Variants in SERINC5 observed in about 807,000 individuals in gnomAD.
The protein encoded by SERINC5 is serine incorporator 5, also known as chromosome 5 open reading frame 12.
A neutral mutation model predicts 63.1 loss-of-function variants in SERINC5; 41 were observed. That is an observed-to-expected ratio of 0.65 (90% confidence interval 0.51 to 0.84). The LOEUF is 0.84. Ranked by LOEUF, SERINC5 falls within the 40% of genes least tolerant of loss-of-function variation. The pLI, the probability that SERINC5 is intolerant of heterozygous loss-of-function variation, is 0.00. For missense variants in SERINC5, 523 were observed against 573.0 expected (o/e 0.91, Z 0.89); for synonymous variants, 222 against 215.2 (o/e 1.03, Z -0.28).
chr5:80,168,521 A>G (rs1286512149), intron 6 of SERINC5, among the ~76,000 whole-genome samples: 1 of 151,996 alleles, frequency 6.6e-6, no homozygotes, highest in Non-Finnish European at 1.5e-5. Context: ...TTTTTAAACC[A>G]CTATTTTAGA....
At chr5:80,138,141 A>C (rs1745287951), downstream of SERINC5, among the ~76,000 whole-genome samples, 1 of 150,694 alleles carries the variant, frequency 6.6e-6, no homozygotes, top group Admixed American at 6.6e-5. Flanking sequence ...TAAGAGATGC[A>C]GAGTGTAAAG....
In SERINC5 at chr5:80,141,841, C is replaced by CCA. The variant is rs1745528467; in HGVS notation, c.*1820_*1821dup. On this transcript the variant is annotated 3_prime_UTR_variant, in exon 12 of 12. Coordinates refer to ENST00000507668, the MANE Select transcript of SERINC5 (RefSeq NM_001174072.3). The stretch of plus-strand genomic sequence containing the variant: ...AATTTACAAAACAAGGCTCTCTAAA[C>CCA]CACACACACAGATGGAGTGCCTTTT... 4.1e-6 allele frequency: 4 copies of CCA among 985,222 alleles called. No homozygotes were observed. The African/African-American group carries it at 7.0e-5, about 17-fold the overall frequency. The allele number at this position is 985,222 out of a possible 1,614,324, so 61.0% of individuals were successfully genotyped here.
At position 80,256,045 on chromosome 5, in the gene SERINC5, G is replaced by C; in HGVS notation, c.-123C>G. 1 of 1,101,330 alleles carries C rather than the reference G, an allele frequency of 9.1e-7. No homozygotes were observed. Among genetic ancestry groups the C allele is most frequent in the Non-Finnish European group, 1.2e-6 (1 of 821,244 alleles). 68.2% of individuals were successfully genotyped at this position (1,101,330 alleles called of 1,614,324 possible). A position where few individuals can be genotyped will look rare whatever the true frequency, so the allele number is the denominator to read the frequency against. On this transcript the variant is annotated 5_prime_UTR_variant, in exon 1 of 12. Transcript: ENST00000507668. The stretch of plus-strand genomic sequence containing the variant: ...CACACTTGAACGAAGATCAGCCTCG[G>C]CGAAGCGCCTAGGCGCCGAGGCCTG...
intron 11 of SERINC5, among the ~76,000 whole-genome samples, chr5:80,124,441 T>A (rs1187699905): frequency 6.6e-6 from 1 of 152,214 alleles, no homozygotes; most frequent in African/African-American, 2.4e-5. Flanking sequence ...TTGCAACCTC[T>A]CTATAGTAGG....
chr5:80,173,349 A>G (rs991195420), intron 5 of SERINC5, among the ~76,000 whole-genome samples: 10 of 152,188 alleles, frequency 6.6e-5, no homozygotes, highest in African/African-American at 2.2e-4. Context: ...TAATCCCAGC[A>G]CTTTGGGAGG....
chr5:80,158,795 A>G (rs1189656758), intron 8 of SERINC5, 41 bp downstream of exon 8: 13 of 1,580,832 alleles, frequency 8.2e-6, no homozygotes, highest in Non-Finnish European at 1.1e-5. Context: ...CTGTAATTTT[A>G]AAGTCTGCAA....
Position 80,139,596 on chromosome 5 carries a change from A to AGAGAGAGAGAG in SERINC5, c.*4066_*4067insCTCTCTCTCTC. On this transcript the variant is annotated 3_prime_UTR_variant, in exon 12 of 12. Coordinates refer to ENST00000507668, the MANE Select transcript of SERINC5 (RefSeq NM_001174072.3). Reference sequence around the variant, plus strand: ...TGAAAGAGTTGTTGAGAAAGAAGAAAAGAGAGAGAGAGAGAAAGGTCTAAA... The same window carrying AGAGAGAGAGAG: ...TGAAAGAGTTGTTGAGAAAGAAGAAAGAGAGAGAGAGAGAGAGAGAGAGAGAAAGGTCTAAA... 7 of 964,032 alleles carry AGAGAGAGAGAG rather than the reference A, an allele frequency of 7.3e-6. No homozygotes were observed. Among genetic ancestry groups the AGAGAGAGAGAG allele is most frequent in the Non-Finnish European group, 8.6e-6 (7 of 813,852 alleles). The allele number at this position is 964,032 out of a possible 1,614,324, so 59.7% of individuals were successfully genotyped here. A position where few individuals can be genotyped will look rare whatever the true frequency, so the allele number is the denominator to read the frequency against.
rs747016189 is a variant in SERINC5, at chr5:80,142,326, C to T, written c.*1337G>A. 2.4e-5 allele frequency: 23 copies of T among 960,842 alleles called. 1 individual carries two copies. Among genetic ancestry groups the T allele is most frequent in the Middle Eastern group, 1.1e-3 (2 of 1,868 alleles). 59.5% of individuals were successfully genotyped at this position (960,842 alleles called of 1,614,324 possible). On this transcript the variant is annotated 3_prime_UTR_variant, in exon 12 of 12. Coordinates refer to ENST00000507668, the MANE Select transcript of SERINC5 (RefSeq NM_001174072.3). ...TCGGCTCACTGCAACCTCCGCCTCCCGGGTTCAAGTGATTCTCATGCCTCA... is the reference window on the plus strand; with the variant it reads ...TCGGCTCACTGCAACCTCCGCCTCCTGGGTTCAAGTGATTCTCATGCCTCA...
chr5:80,242,401 T>C (rs4704651), intron 1 of SERINC5, among the ~76,000 whole-genome samples: 24,401 of 151,970 alleles, frequency 0.16, 2,300 homozygotes, highest in East Asian at 0.26. Context: ...GTGGATCATT[T>C]GAGGTCAGGA....
intron 8 of SERINC5, among the ~76,000 whole-genome samples, chr5:80,152,709 G>A (rs1580071126): frequency 6.6e-6 from 1 of 152,112 alleles, no homozygotes; most frequent in African/African-American, 2.4e-5. Context: ...GGGAGGCCAA[G>A]GCGGGTGGAT....
chr5:80,218,724 T>C (rs1193940386), intron 1 of SERINC5, among the ~76,000 whole-genome samples: 1 of 150,478 alleles, frequency 6.6e-6, no homozygotes, highest in South Asian at 2.1e-4. Context: ...GGCTGTGCTA[T>C]GGTAATGCCC....
At chr5:80,197,434 C>T (rs1749583759) in intron 2 of SERINC5, among the ~76,000 whole-genome samples, 2 of 150,408 alleles carry the variant, frequency 1.3e-5, no homozygotes, top group African/African-American at 4.9e-5. Context: ...TAGGCAAATC[C>T]ACAGAGACAA....
At chr5:80,161,112 A>G (rs1346140260) in intron 7 of SERINC5, among the ~76,000 whole-genome samples, 2 of 151,868 alleles carry the variant, frequency 1.3e-5, no homozygotes, top group Non-Finnish European at 2.9e-5. Flanking sequence ...ATGGACACTT[A>G]AAGGTGATTC....
chr5:80,233,812 T>C (rs1437071854), intron 1 of SERINC5, among the ~76,000 whole-genome samples: 28 of 138,454 alleles, frequency 2.0e-4, no homozygotes, highest in African/African-American at 7.1e-4. Context: ...TTACTTTTTT[T>C]TTTTTTTTTT....
chr5:80,210,148 T>C (rs73128102), intron 1 of SERINC5, among the ~76,000 whole-genome samples: 5,897 of 152,280 alleles, frequency 0.039, 386 homozygotes, highest in African/African-American at 0.14. Flanking sequence ...TTTTCCCTTC[T>C]GAAGAAGCTT....
At position 80,140,832 on chromosome 5, in the gene SERINC5, A is replaced by T. The variant is rs1745464594; in HGVS notation, c.*2831T>A. The T allele has an allele frequency of 2.0e-6, 2 of 985,334 alleles. No homozygotes were observed. The highest frequency in any genetic ancestry group is 3.5e-5 in the African/African-American group (2 of 57,254). The allele number at this position is 985,334 out of a possible 1,614,324, so 61.0% of individuals were successfully genotyped here. A position where few individuals can be genotyped will look rare whatever the true frequency, so the allele number is the denominator to read the frequency against. On this transcript the variant is annotated 3_prime_UTR_variant, in exon 12 of 12. Transcript: ENST00000507668. Reference sequence around the variant, plus strand: ...AAATATTCACATGCAGCTTTAAAAAAGTCCTCTTCAACTGTCATCCCTAAA... The same window carrying T: ...AAATATTCACATGCAGCTTTAAAAATGTCCTCTTCAACTGTCATCCCTAAA...
intron 1 of SERINC5, among the ~76,000 whole-genome samples, chr5:80,222,630 T>C (rs13355394): frequency 0.49 from 74,006 of 151,072 alleles, 18,572 homozygotes; most frequent in African/African-American, 0.6. Context: ...TGGAGTGCAA[T>C]GGAGCGATCT....
intron 8 of SERINC5, among the ~76,000 whole-genome samples, chr5:80,151,693 C>T (rs562982436): frequency 1.6e-4 from 25 of 152,274 alleles, no homozygotes; most frequent in African/African-American, 5.8e-4. Context: ...ATATACAATA[C>T]TTAGGGTTCC....
intron 7 of SERINC5, among the ~76,000 whole-genome samples, chr5:80,161,906 G>A (rs73128047): frequency 0.014 from 2,177 of 151,938 alleles, 57 homozygotes; most frequent in African/African-American, 0.05. Flanking sequence ...GAGAGACAGG[G>A]GTTCGGTAGG....
Sources: allele counts gnomAD v4.1 joint callset (sites outside exome capture counted in the v4.1 genomes callset), GRCh38; gene constraint gnomAD v4.1.1; transcripts MANE v1.5; gene names NCBI Gene and HGNC (gene_info 2026-07-23, HGNC 2026-07-21).